The following ZCWPW2 variants were observed in gnomAD, a reference collection of about 807,000 sequenced individuals.
The protein encoded by ZCWPW2 is zinc finger CW-type and PWWP domain containing 2, also known as zinc finger CW-type PWWP domain protein 2.
ZCWPW2 carries 45 observed loss-of-function variants against 46.6 expected under a neutral mutation model. That is an observed-to-expected ratio of 0.96 (90% CI 0.76 to 1.24). The LOEUF is 1.24. Ranked by LOEUF, ZCWPW2 falls within the 50% of genes most tolerant of loss-of-function variation. The pLI, the probability that ZCWPW2 is intolerant of heterozygous loss-of-function variation, is 0.00. For missense variants in ZCWPW2, 429 were observed against 403.9 expected (o/e 1.06, Z -0.53); for synonymous variants, 152 against 137.1 (o/e 1.11, Z -0.76).
At chr3:28,433,128 C>T (rs1421771289) in intron 3 of ZCWPW2, among the ~76,000 whole-genome samples, 3 of 151,864 alleles carry the variant, frequency 2.0e-5, no homozygotes, top group Admixed American at 6.6e-5. Context: ...AACACACATA[C>T]TCCCTACACT....
chr3:28,355,354 G>T (rs766564930), intron 1 of ZCWPW2, among the ~76,000 whole-genome samples: 1 of 152,190 alleles, frequency 6.6e-6, no homozygotes, highest in African/African-American at 2.4e-5. Context: ...AAAAGAGGAC[G>T]CAAATAAATG....
intron 9 of ZCWPW2, among the ~76,000 whole-genome samples, chr3:28,521,772 C>G (rs867427294): frequency 6.6e-6 from 1 of 152,128 alleles, no homozygotes; most frequent in African/African-American, 2.4e-5. Flanking sequence ...AGGGTAGACA[C>G]TTTCACGTGG....
At chr3:28,374,410 T>C (rs1444833376) in intron 1 of ZCWPW2, among the ~76,000 whole-genome samples, 1 of 152,192 alleles carries the variant, frequency 6.6e-6, no homozygotes, top group African/African-American at 2.4e-5. Context: ...TGAACTCAGG[T>C]AATGTGACGC....
intron 3 of ZCWPW2, among the ~76,000 whole-genome samples, chr3:28,420,602 T>G (rs1429527405): frequency 2.0e-5 from 3 of 152,030 alleles, no homozygotes; most frequent in Non-Finnish European, 4.4e-5. Context: ...TTTCATTACT[T>G]GTATTACTTT....
At chr3:28,506,222 G>A (rs1054426088) in intron 6 of ZCWPW2, among the ~76,000 whole-genome samples, 1 of 151,358 alleles carries the variant, frequency 6.6e-6, no homozygotes, top group Non-Finnish European at 1.5e-5. Flanking sequence ...TTTAAAATCA[G>A]TGACACCTAG....
At chr3:28,409,893 C>T (rs1696330898) in intron 2 of ZCWPW2, among the ~76,000 whole-genome samples, 1 of 152,064 alleles carries the variant, frequency 6.6e-6, no homozygotes, top group African/African-American at 2.4e-5. Context: ...GTTAGCAGAT[C>T]ATATCTTAGA....
chr3:28,380,826 C>T (rs905514903), intron 1 of ZCWPW2, among the ~76,000 whole-genome samples: 1 of 149,522 alleles, frequency 6.7e-6, no homozygotes, highest in East Asian at 2.0e-4. Context: ...CTGTTCCCAC[C>T]CAAGGCCAAA....
In ZCWPW2 at chr3:28,525,097, C is replaced by T. The variant is rs936719571; in HGVS notation, c.*409C>T. ...AATAAACTTAGAGAATGTATATTTG[C>T]AGTGGAATCAAACTATTACAAAATA... On this transcript the variant is annotated 3_prime_UTR_variant, in exon 10 of 10. Transcript: ENST00000383768. The T allele has an allele frequency of 5.3e-5, 8 of 152,200 alleles. No individual in the cohort carries two copies. The highest frequency in any genetic ancestry group is 1.9e-4 in the African/African-American group (8 of 41,424). 9.4% of individuals were successfully genotyped at this position (152,200 alleles called of 1,614,324 possible).
chr3:28,440,862 G>A (rs191674788), intron 4 of ZCWPW2, among the ~76,000 whole-genome samples: 36 of 152,262 alleles, frequency 2.4e-4, no homozygotes, highest in Non-Finnish European at 4.1e-4. Flanking sequence ...GAGGACCTCT[G>A]CCTTTTCCAT....
At chr3:28,379,022 T>C (rs1415340255) in intron 1 of ZCWPW2, among the ~76,000 whole-genome samples, 1 of 152,208 alleles carries the variant, frequency 6.6e-6, no homozygotes, top group Non-Finnish European at 1.5e-5. Context: ...AAATATCAGG[T>C]GTGCCTTATG....
intron 8 of ZCWPW2, among the ~76,000 whole-genome samples, chr3:28,518,875 A>G (rs766841100): frequency 3.3e-5 from 5 of 152,224 alleles, no homozygotes; most frequent in Non-Finnish European, 7.3e-5. Flanking sequence ...ATGAGCAGTC[A>G]TCTATTAACA....
Position 28,524,519 on chromosome 3 carries a change from T to C in ZCWPW2, c.910-8T>C. 3.1e-6 allele frequency: 5 copies of C among 1,602,748 alleles called. No individual in the cohort carries two copies. Among genetic ancestry groups the C allele is most frequent in the Non-Finnish European group, 4.3e-6 (5 of 1,176,146 alleles). ...ATAGTTCCGATTAATTATATGGTTG[T>C]TTTGCAGTTATCTAAATGCAGCCCA... On this transcript the variant is annotated splice_region_variant and splice_polypyrimidine_tract_variant and intron_variant, in intron 9 of 9. Transcript: ENST00000383768.
At chr3:28,352,784 T>C (rs1406789275) in intron 1 of ZCWPW2, among the ~76,000 whole-genome samples, 1 of 152,238 alleles carries the variant, frequency 6.6e-6, no homozygotes, top group African/African-American at 2.4e-5. Flanking sequence ...ATTCTGTTTC[T>C]TTCTAGCAAT....
In ZCWPW2 at chr3:28,410,169, G is replaced by C. The variant is rs139790591; in HGVS notation, c.-13-2887G>C. On this transcript the variant is annotated intron_variant, in intron 2 of 9. Transcript: ENST00000383768. ...AAGATGAGGAAGAATTCACCAACAAGATGTAACAAATCTGAACATGTATAT... is the reference window on the plus strand; with the variant it reads ...AAGATGAGGAAGAATTCACCAACAACATGTAACAAATCTGAACATGTATAT... Among the ~76,000 whole-genome samples the C allele has an allele frequency of 2.5e-3, 386 of 152,134 alleles. 1 individual carries two copies. Among genetic ancestry groups the C allele is most frequent in the African/African-American group, 8.4e-3 (351 of 41,564 alleles).
chr3:28,468,891 G>A (rs746893966), intron 4 of ZCWPW2, among the ~76,000 whole-genome samples: 1 of 152,092 alleles, frequency 6.6e-6, no homozygotes, highest in Non-Finnish European at 1.5e-5. Context: ...AAAACTCACT[G>A]GCAATAGAAA....
At chr3:28,500,134 G>T (rs1251921011) in intron 6 of ZCWPW2, among the ~76,000 whole-genome samples, 2 of 151,932 alleles carry the variant, frequency 1.3e-5, no homozygotes, top group Admixed American at 6.6e-5. Context: ...CCCAGTAGAA[G>T]GATTATGCTG....
intron 7 of ZCWPW2, among the ~76,000 whole-genome samples, chr3:28,514,464 G>T (rs1465898158): frequency 6.6e-6 from 1 of 152,120 alleles, no homozygotes; most frequent in Non-Finnish European, 1.5e-5. Context: ...TAGTATATAG[G>T]TGGAAACTGA....
chr3:28,443,155 T>C (rs1478481460), intron 4 of ZCWPW2, among the ~76,000 whole-genome samples: 1 of 152,172 alleles, frequency 6.6e-6, no homozygotes, highest in Non-Finnish European at 1.5e-5. Context: ...ATGCCCCTAC[T>C]TTAACTGGAG....
chr3:28,523,837 G>C (rs1458821889), intron 9 of ZCWPW2, among the ~76,000 whole-genome samples: 1 of 151,970 alleles, frequency 6.6e-6, no homozygotes, highest in Non-Finnish European at 1.5e-5. Context: ...GCCTTGACTT[G>C]GCAAGCAATC....
Sources: gnomAD v4.1 joint callset for allele counts (sites outside exome capture counted in the v4.1 genomes callset) on GRCh38, gnomAD v4.1.1 for gene constraint, MANE v1.5 for transcripts, NCBI Gene and HGNC (gene_info 2026-07-23, HGNC 2026-07-21) for gene names.